Variants in EMILIN2 observed in about 807,000 individuals in gnomAD.
EMILIN2 encodes the protein EMILIN-2.
A neutral mutation model predicts 87.1 loss-of-function variants in EMILIN2; 71 were observed. That is an observed-to-expected ratio of 0.82 (90% CI 0.67 to 0.99). The LOEUF is 0.99. Ranked by LOEUF, EMILIN2 falls within the 50% of genes least tolerant of loss-of-function variation. The pLI is 0.00. For missense variants in EMILIN2, 1,407 were observed against 1,371.8 expected (o/e 1.03, Z -0.40); for synonymous variants, 581 against 563.4 (o/e 1.03, Z -0.44).
At chr18:2,902,963 G>A (rs1029513514) in intron 4 of EMILIN2, among the ~76,000 whole-genome samples, 6 of 152,082 alleles carry the variant, frequency 3.9e-5, no homozygotes, top group Non-Finnish European at 5.9e-5. Context: ...AGAAAATAAG[G>A]GCCAGTTTGG....
In EMILIN2 at chr18:2,880,920, T is replaced by C. The variant is rs537168593; in HGVS notation, c.258-4044T>C. 1.3e-5 allele frequency among the ~76,000 whole-genome samples: 2 copies of C among 152,256 alleles called. No individual in the cohort carries two copies. Among genetic ancestry groups the C allele is most frequent in the East Asian group, 3.9e-4 (2 of 5,170 alleles). ...TACGAGCACCCTCCACCAATTAAGG[T>C]ATAATTTTGCTGAAAATTCCTTGGC... On this transcript the variant is annotated intron_variant, in intron 2 of 7. Transcript: ENST00000254528. The surrounding 1 kb of genome is among the most constrained non-coding windows in gnomAD (Gnocchi z 4.1).
chr18:2,863,933 G>C (rs570456635), intron 2 of EMILIN2, among the ~76,000 whole-genome samples: 258 of 152,262 alleles, frequency 1.7e-3, no homozygotes, highest in African/African-American at 5.9e-3. Context: ...ATTTAGGATA[G>C]TTAGCTCTTC....
intron 2 of EMILIN2, among the ~76,000 whole-genome samples, chr18:2,882,718 A>G (rs1284627548): frequency 6.6e-6 from 1 of 152,146 alleles, no homozygotes; most frequent in Non-Finnish European, 1.5e-5. Flanking sequence ...CTATGTCTCT[A>G]CTAAAAATAC....
At chr18:2,910,899 A>C (rs2076937556) in intron 7 of EMILIN2, among the ~76,000 whole-genome samples, 1 of 152,206 alleles carries the variant, frequency 6.6e-6, no homozygotes, top group Non-Finnish European at 1.5e-5. Flanking sequence ...TTGGCATCTA[A>C]GGTCAGGGCG....
intron 4 of EMILIN2, among the ~76,000 whole-genome samples, chr18:2,905,843 C>T (rs1437238622): frequency 2.7e-5 from 4 of 148,642 alleles, no homozygotes; most frequent in Admixed American, 2.0e-4. Context: ...AGGCTGGTCT[C>T]GAATTTGGGG....
intron 2 of EMILIN2, among the ~76,000 whole-genome samples, chr18:2,858,276 C>T (rs1312618694): frequency 1.3e-5 from 2 of 151,148 alleles, no homozygotes; most frequent in African/African-American, 2.4e-5. Flanking sequence ...GCAGTATACA[C>T]GGAACCCAAT....
chr18:2,864,481 A>G (rs368333749), intron 2 of EMILIN2, among the ~76,000 whole-genome samples: 3 of 152,118 alleles, frequency 2.0e-5, no homozygotes, highest in Non-Finnish European at 4.4e-5. Flanking sequence ...CACTTATGAA[A>G]CTTAGTTTGG....
At chr18:2,899,010 G>C (rs140906780) in intron 4 of EMILIN2, among the ~76,000 whole-genome samples, 182 of 152,156 alleles carry the variant, frequency 1.2e-3, no homozygotes, top group African/African-American at 4.2e-3. Context: ...TCTTAGCCTT[G>C]AACTTAGAGC....
At chr18:2,900,098 A>G (rs769846066) in intron 4 of EMILIN2, among the ~76,000 whole-genome samples, 1 of 151,066 alleles carries the variant, frequency 6.6e-6, no homozygotes, top group Admixed American at 6.6e-5. Flanking sequence ...CTGCCTTAAC[A>G]ACCAACACAG....
rs143621410 is a variant in EMILIN2, at chr18:2,851,665, G to C, written c.257+3734G>C. On this transcript the variant is annotated intron_variant, in intron 2 of 7. Transcript: ENST00000254528. The stretch of plus-strand genomic sequence containing the variant: ...AGGTGCCTTGTCAGAAGGATTAGAC[G>C]GTGCCCTGTTTACATGTATGAAAAG... Among the ~76,000 whole-genome samples, 15 of 152,200 alleles carry C rather than the reference G, an allele frequency of 9.9e-5. No homozygotes were observed. The South Asian group carries it at 2.7e-3, about 27-fold the overall frequency.
rs142556626 is a variant in EMILIN2, at chr18:2,911,842, C to G, written c.2825-1225C>G. 1.2e-4 allele frequency among the ~76,000 whole-genome samples: 18 copies of G among 152,258 alleles called. 1 individual carries two copies. Among genetic ancestry groups the G allele is most frequent in the African/African-American group, 4.3e-4 (18 of 41,548 alleles). ...GGGTGAACTGAGTGAGGCTTCACCA[C>G]AGGCGACTCTGAACAAAGGTGAAGG... On this transcript the variant is annotated intron_variant, in intron 7 of 7. Coordinates refer to ENST00000254528, the MANE Select transcript of EMILIN2 (RefSeq NM_032048.3).
chr18:2,909,939 G>C, intron 7 of EMILIN2, 120 bp downstream of exon 7: 4 of 1,379,964 alleles, frequency 2.9e-6, no homozygotes, highest in Non-Finnish European at 4.0e-6. Flanking sequence ...CGCCACCCTG[G>C]AGCAGATGCC....
At chr18:2,909,560 G>C in intron 6 of EMILIN2, 131 bp from the exon 7 acceptor site, 6 of 1,184,094 alleles carry the variant, frequency 5.1e-6, no homozygotes, top group Non-Finnish European at 7.1e-6. Flanking sequence ...TGAGGAGTTT[G>C]CTTCACCACT....
At chr18:2,909,125 C>G in intron 6 of EMILIN2, 150 bp downstream of exon 6, 6 of 1,000,480 alleles carry the variant, frequency 6.0e-6, no homozygotes, top group Non-Finnish European at 9.4e-6. Context: ...TGGGACAGCC[C>G]TCTGCTGACT....
At position 2,881,243 on chromosome 18, in the gene EMILIN2, G is replaced by A. The variant is rs117698823; in HGVS notation, c.258-3721G>A. Among the ~76,000 whole-genome samples, 687 of 152,318 alleles carry A rather than the reference G, an allele frequency of 4.5e-3. 6 individuals carry two copies. The highest frequency in any genetic ancestry group is 0.022 in the South Asian group (106 of 4,830). ...GACATCCCTAGGGAGCTTTCTCACC[G>A]CAGGAGGTGGCTGCTGATGGATTCC... On this transcript the variant is annotated intron_variant, in intron 2 of 7. Transcript: ENST00000254528.
At position 2,891,341 on chromosome 18, in the gene EMILIN2, T is replaced by C; in HGVS notation, c.1214T>C (p.Ile405Thr). The stretch of plus-strand genomic sequence containing the variant: ...TGCGACAGTGAAAAGAATGGTGACA[T>C]TGGTCAACAGATCAAGACATTGGAC... Reference protein sequence around the residue: ...NCCDSEKNGDIGQQIKTLDQK... With the variant: ...NCCDSEKNGDTGQQIKTLDQK... The change falls in exon 4 of 8, where the codon ATT becomes ACT. Residue 405 changes from isoleucine (I) to threonine (T), a missense_variant. By Grantham distance (89) the Ile-to-Thr change is moderately conservative. Transcript: ENST00000254528. This position sits in a 1 kb window ranked among gnomAD's most constrained non-coding sequence, Gnocchi z 4.6. The C allele has an allele frequency of 1.2e-6, 2 of 1,614,196 alleles. No homozygotes were observed. Among genetic ancestry groups the C allele is most frequent in the Non-Finnish European group, 8.5e-7 (1 of 1,180,024 alleles).
intron 3 of EMILIN2, among the ~76,000 whole-genome samples, chr18:2,887,832 T>C (rs527779077): frequency 6.6e-6 from 1 of 152,294 alleles, no homozygotes; most frequent in Admixed American, 6.5e-5. Flanking sequence ...AGAGACAGGG[T>C]CTTGCTCTGT....
Position 2,891,711 on chromosome 18 carries a change from A to G in EMILIN2, c.1584A>G (p.Ser528=), listed in dbSNP as rs112119268. ...PPGAAALPGV[S]GSGDERVMME... ...GGGCAGCAGCCCTGCCAGGAGTGTCAGGGTCAGGAGATGAACGGGTCATGA... is the reference window on the plus strand; with the variant it reads ...GGGCAGCAGCCCTGCCAGGAGTGTCGGGGTCAGGAGATGAACGGGTCATGA... Residue 528 remains serine (S), a synonymous_variant, in exon 4 of 8, where the codon TCA becomes TCG. Transcript: ENST00000254528. This position sits in a 1 kb window ranked among gnomAD's most constrained non-coding sequence, Gnocchi z 4.6. 6.8e-6 allele frequency: 11 copies of G among 1,614,184 alleles called. No individual in the cohort carries two copies. The highest frequency in any genetic ancestry group is 6.7e-5 in the African/African-American group (5 of 75,048).
At chr18:2,854,111 C>T (rs2076615140) in intron 2 of EMILIN2, among the ~76,000 whole-genome samples, 1 of 152,144 alleles carries the variant, frequency 6.6e-6, no homozygotes, top group Admixed American at 6.5e-5. Flanking sequence ...TTCACTTTGC[C>T]TCCCAACTCA....
Sources: gnomAD v4.1 joint callset for allele counts (sites outside exome capture counted in the v4.1 genomes callset) on GRCh38, gnomAD v4.1.1 for gene constraint, Gnocchi (gnomAD v3.1) non-coding constraint, MANE v1.5 for transcripts, NCBI Gene and HGNC (gene_info 2026-07-23, HGNC 2026-07-21) for gene names.